PDE7B: variants seen among roughly 807,000 people sequenced by gnomAD.
PDE7B encodes the protein 3',5'-cyclic-AMP phosphodiesterase 7B.
In PDE7B, 29 loss-of-function variants were observed where a neutral mutation model predicts 56.2. The observed-to-expected ratio is 0.52, with a 90% CI of 0.38 to 0.70. The LOEUF (loss-of-function observed/expected upper bound fraction) is 0.70, where lower values mean the gene tolerates loss of function less well. Ranked by LOEUF, PDE7B falls within the 30% of genes least tolerant of loss-of-function variation. The pLI is 0.00. For synonymous variants in PDE7B, 197 were observed against 196.9 expected (o/e 1.00, Z 0.00); for missense variants, 490 against 565.0 (o/e 0.87, Z 1.35).
chr6:135,906,810 GTTTTTTTTT>G (rs869049424), intron 1 of PDE7B, among the ~76,000 whole-genome samples: 12 of 59,542 alleles, frequency 2.0e-4, no homozygotes, highest in South Asian at 8.4e-4. Flanking sequence ...AATGAGGTTT[GTTTTTTTTT>G]TTTTTTTTTT....
intron 1 of PDE7B, among the ~76,000 whole-genome samples, chr6:135,859,987 G>T (rs867301028): frequency 6.6e-6 from 1 of 151,960 alleles, no homozygotes; most frequent in African/African-American, 2.4e-5. Flanking sequence ...AAAGCCCCGA[G>T]TTCAAGTTCC....
At chr6:135,904,532 A>G (rs564470317) in intron 1 of PDE7B, among the ~76,000 whole-genome samples, 19 of 152,206 alleles carry the variant, frequency 1.2e-4, no homozygotes, top group Non-Finnish European at 2.1e-4. Flanking sequence ...CCAAATGGGC[A>G]TTCTGATTAC....
intron 1 of PDE7B, among the ~76,000 whole-genome samples, chr6:135,899,732 T>C (rs1775966391): frequency 6.6e-6 from 1 of 152,070 alleles, no homozygotes; most frequent in Non-Finnish European, 1.5e-5. Flanking sequence ...ATTTTGTTTA[T>C]GGTAGTCTTG....
rs1275818151 is a variant in PDE7B, at chr6:136,193,211, T to G, written c.*1371T>G. On this transcript the variant is annotated 3_prime_UTR_variant, in exon 13 of 13. Transcript: ENST00000308191. ...ATCTAACCATCAGGGAATTCCCTGCTCCCATGCCACACATTTGTCTATTAT... is the reference window on the plus strand; with the variant it reads ...ATCTAACCATCAGGGAATTCCCTGCGCCCATGCCACACATTTGTCTATTAT... 6.6e-6 allele frequency: 1 copy of G among 152,642 alleles called. No individual in the cohort carries two copies. Among genetic ancestry groups the G allele is most frequent in the Admixed American group, 6.5e-5 (1 of 15,280 alleles). 9.5% of individuals were successfully genotyped at this position (152,642 alleles called of 1,614,324 possible). A position where few individuals can be genotyped will look rare whatever the true frequency, so the allele number is the denominator to read the frequency against.
At chr6:136,037,886 CT>C (rs68164226) in intron 2 of PDE7B, 51,291 of 930,364 alleles carry the variant, frequency 0.055, 1,407 homozygotes, top group East Asian at 0.13. Context: ...ACCTCGATGG[CT>C]TTTTTTTTTC....
chr6:136,158,047 A>G (rs1778639051), intron 8 of PDE7B, among the ~76,000 whole-genome samples: 1 of 152,204 alleles, frequency 6.6e-6, no homozygotes, highest in South Asian at 2.1e-4. Context: ...TAGATGAGGA[A>G]CTGGCAGAAA....
chr6:135,961,698 T>C (rs1774905846), intron 2 of PDE7B, among the ~76,000 whole-genome samples: 1 of 152,170 alleles, frequency 6.6e-6, no homozygotes, highest in South Asian at 2.1e-4. Context: ...TAGTAAGTGC[T>C]TACTCACCCA....
chr6:135,904,078 A>G (rs1776054050), intron 1 of PDE7B, among the ~76,000 whole-genome samples: 1 of 152,212 alleles, frequency 6.6e-6, no homozygotes, highest in African/African-American at 2.4e-5. Flanking sequence ...GTTTGTTCCC[A>G]TCACATCAAA....
At chr6:135,984,569 C>T in intron 2 of PDE7B, among the ~76,000 whole-genome samples, 1 of 152,048 alleles carries the variant, frequency 6.6e-6, no homozygotes, top group African/African-American at 2.4e-5. Context: ...TGATGGCTCT[C>T]CTACACACCC....
At chr6:136,089,480 C>T (rs945581877) in intron 2 of PDE7B, among the ~76,000 whole-genome samples, 6 of 152,196 alleles carry the variant, frequency 3.9e-5, no homozygotes, top group Non-Finnish European at 7.4e-5. Flanking sequence ...GAGAAAGATG[C>T]AATTGTTCAT....
At chr6:135,953,754 A>G (rs1774741304) in intron 2 of PDE7B, among the ~76,000 whole-genome samples, 1 of 152,304 alleles carries the variant, frequency 6.6e-6, no homozygotes, top group Middle Eastern at 3.4e-3. Flanking sequence ...TTTAGTAATG[A>G]ACATCCTTAT....
At chr6:136,184,758 A>G (rs1014792462) in intron 11 of PDE7B, among the ~76,000 whole-genome samples, 1 of 152,200 alleles carries the variant, frequency 6.6e-6, no homozygotes, top group Non-Finnish European at 1.5e-5. Flanking sequence ...TTGAAGTGGA[A>G]GAAGAATTGG....
chr6:135,948,423 A>G (rs1342211148), intron 2 of PDE7B, among the ~76,000 whole-genome samples: 1 of 152,002 alleles, frequency 6.6e-6, no homozygotes, highest in African/African-American at 2.4e-5. Context: ...AGCATTTTCT[A>G]TTTACTCTGC....
In PDE7B at chr6:136,155,705, G is replaced by A; in HGVS notation, c.658G>A (p.Val220Met). Residue 220 changes from valine to methionine, a missense_variant, in exon 8 of 13, where the codon GTG becomes ATG. Val to Met is a conservative substitution (Grantham distance 21). Coordinates refer to ENST00000308191, the MANE Select transcript of PDE7B (RefSeq NM_018945.4). The part of the protein sequence containing the change: ...AAAHDVDHPG[V>M]NQPFLIKTNH... The stretch of plus-strand genomic sequence containing the variant: ...AGCACACGATGTGGACCACCCAGGG[G>A]TGAACCAGCCATTTTTGATAAAAAC... 6.2e-7 allele frequency: 1 copy of A among 1,614,080 alleles called. No individual in the cohort carries two copies. Among genetic ancestry groups the A allele is most frequent in the Non-Finnish European group, 8.5e-7 (1 of 1,179,968 alleles).
chr6:136,190,827 T>G (rs1271269243), intron 12 of PDE7B, among the ~76,000 whole-genome samples: 1 of 152,124 alleles, frequency 6.6e-6, no homozygotes, highest in Non-Finnish European at 1.5e-5. Context: ...ATGAGTGAAC[T>G]TTAAACTTAG....
Position 135,926,241 on chromosome 6 carries a change from C to T in PDE7B, c.22-21223C>T, listed in dbSNP as rs981890928. On this transcript the variant is annotated intron_variant, in intron 1 of 12. Transcript: ENST00000308191. ...AGCTGGGACTACAGGCACCCGCCAC[C>T]ACGCCCAGCTAATTTTTTTGTATTT... Among the ~76,000 whole-genome samples the T allele has an allele frequency of 4.0e-5, 6 of 151,898 alleles. No homozygotes were observed. The East Asian group carries it at 5.8e-4, about 15-fold the overall frequency.
chr6:135,988,539 G>A (rs1775421175), intron 2 of PDE7B, among the ~76,000 whole-genome samples: 1 of 152,078 alleles, frequency 6.6e-6, no homozygotes, highest in African/African-American at 2.4e-5. Context: ...ATTTGTATAG[G>A]TATAGAAGAG....
chr6:136,147,455 C>CAA lies in PDE7B; in HGVS notation c.272_273dup (p.Ala92LysfsTer35). 1 of 1,613,720 alleles carries CAA rather than the reference C, an allele frequency of 6.2e-7. No homozygotes were observed. The highest frequency in any genetic ancestry group is 8.5e-7 in the Non-Finnish European group (1 of 1,179,660). On this transcript the variant is annotated frameshift_variant, in exon 4 of 13. Transcript: ENST00000308191. LOFTEE classifies it high-confidence loss of function. ...AAGGCTGCTTCGTGGAATTATACCA[C>CAA]AAGCCCCTCTGCACCTGCTGGATGA...
intron 1 of PDE7B, among the ~76,000 whole-genome samples, chr6:135,942,415 G>C (rs745836857): frequency 2.0e-5 from 3 of 152,088 alleles, no homozygotes; most frequent in Non-Finnish European, 4.4e-5. Flanking sequence ...ATGATGCTTT[G>C]AGATATGTGT....
Sources: gnomAD v4.1 joint callset for allele counts (sites outside exome capture counted in the v4.1 genomes callset) on GRCh38, gnomAD v4.1.1 for gene constraint, MANE v1.5 for transcripts, NCBI Gene and HGNC (gene_info 2026-07-23, HGNC 2026-07-21) for gene names.